The following MTR variants were observed in gnomAD, a reference collection of about 807,000 sequenced individuals.
MTR encodes the protein 5-methyltetrahydrofolate-homocysteine methyltransferase.
In MTR, 84 loss-of-function variants were observed where a neutral mutation model predicts 154.8. The observed-to-expected ratio is 0.54, with a 90% CI of 0.45 to 0.65. The LOEUF is 0.65. Ranked by LOEUF, MTR falls within the 30% of genes least tolerant of loss-of-function variation. The probability of loss-of-function intolerance (pLI) is 0.00; values close to 1 mark genes in which losing one functional copy is unlikely to be tolerated. For synonymous variants in MTR, 554 were observed against 553.9 expected (o/e 1.00, Z 0.00); for missense variants, 1,275 against 1,570.2 (o/e 0.81, Z 3.18).
intron 25 of MTR, among the ~76,000 whole-genome samples, chr1:236,884,414 T>C (rs556494267): frequency 5.9e-5 from 9 of 152,234 alleles, no homozygotes; most frequent in African/African-American, 1.9e-4. Flanking sequence ...CACCTTCAGG[T>C]TCAAAGTTTC....
chr1:236,808,578 A>C, intron 3 of MTR, 126 bp from the exon 4 acceptor site: 1 of 936,132 alleles, frequency 1.1e-6, no homozygotes, highest in Non-Finnish European at 1.7e-6. Context: ...GATTTCACTC[A>C]GACCTCAGAT....
chr1:236,803,163 C>G lies in MTR; in HGVS notation c.35-265C>G, dbSNP rs528331028. Among the ~76,000 whole-genome samples the G allele has an allele frequency of 2.0e-5, 3 of 152,318 alleles. No individual in the cohort carries two copies. In the South Asian group the frequency reaches 6.2e-4, roughly 32 times the overall value. On this transcript the variant is annotated intron_variant, in intron 1 of 32. Transcript: ENST00000366577. The stretch of plus-strand genomic sequence containing the variant: ...GCCCATTATTGCCTGTTTTCCTCAT[C>G]TGTAAAACAGGAGTAGTGTAGCCTA...
chr1:236,869,940 C>G (rs16834490), intron 22 of MTR, among the ~76,000 whole-genome samples: 2,226 of 152,258 alleles, frequency 0.015, 55 homozygotes, highest in African/African-American at 0.051. Context: ...TGGTTGTCAC[C>G]CATTTTGGGC....
chr1:236,796,520 C>T (rs929812690), intron 1 of MTR, among the ~76,000 whole-genome samples: 1 of 152,116 alleles, frequency 6.6e-6, no homozygotes, highest in South Asian at 2.1e-4. Flanking sequence ...TATCCTATCA[C>T]ATAGTGGGGA....
At chr1:236,873,865 ATTTCTCTAAATGT>A (rs756165214) in intron 23 of MTR, 25 bp downstream of exon 23, 1 of 1,603,306 alleles carries the variant, frequency 6.2e-7, no homozygotes, top group South Asian at 1.1e-5. Flanking sequence ...TACTTTGGGC[ATTTCTCTAAATGT>A]CATATCCCCA....
intron 25 of MTR, among the ~76,000 whole-genome samples, chr1:236,883,505 G>T (rs914086471): frequency 6.6e-6 from 1 of 152,202 alleles, no homozygotes; most frequent in Non-Finnish European, 1.5e-5. Flanking sequence ...CTTTCTCAGA[G>T]TGTATAATCT....
rs931152176 is a variant in MTR at position 236,810,564 on chromosome 1, A to G, written c.471A>G (p.Pro157=). The G allele has an allele frequency of 9.9e-6, 16 of 1,613,864 alleles. No homozygotes were observed. Among genetic ancestry groups the G allele is most frequent in the Non-Finnish European group, 1.3e-5 (15 of 1,179,826 alleles). Residue 157 remains proline, a synonymous_variant, in exon 5 of 33, where the codon CCA becomes CCG. Transcript: ENST00000366577. ...CTAATAAGACACTCTCTGTGTCCCC[A>G]TCTGTGGAAAGGCCGGATTATAGGA... The part of the protein sequence containing the change: ...GPTNKTLSVS[P]SVERPDYRNI...
At chr1:236,820,086 A>G (rs772377170) in intron 8 of MTR, 144 of 772,710 alleles carry the variant, frequency 1.9e-4, no homozygotes, top group Non-Finnish European at 2.9e-4. Flanking sequence ...TGTGTAACAC[A>G]GATTCCCCTC....
At chr1:236,825,685 C>T (rs1572218972) in intron 10 of MTR, among the ~76,000 whole-genome samples, 1 of 152,126 alleles carries the variant, frequency 6.6e-6, no homozygotes, top group East Asian at 1.9e-4. Context: ...CTGCAGCCTT[C>T]CCAAATTGTA....
chr1:236,802,704 G>C (rs879831028), intron 1 of MTR, among the ~76,000 whole-genome samples: 1 of 152,170 alleles, frequency 6.6e-6, no homozygotes, highest in Admixed American at 6.5e-5. Flanking sequence ...AATTGGGACA[G>C]TAGATGTTGG....
intron 25 of MTR, among the ~76,000 whole-genome samples, chr1:236,884,553 T>G (rs545770398): frequency 1.2e-4 from 19 of 152,300 alleles, no homozygotes; most frequent in African/African-American, 4.3e-4. Flanking sequence ...AGGTACAGGC[T>G]TTCAGGAGTC....
At chr1:236,859,183 C>T (rs1664380783) in intron 18 of MTR, among the ~76,000 whole-genome samples, 2 of 152,224 alleles carry the variant, frequency 1.3e-5, no homozygotes, top group Admixed American at 6.5e-5. Context: ...TGAGGGCCTT[C>T]TTGCTGTGTC....
chr1:236,890,150 G>T (rs554826425), intron 28 of MTR, among the ~76,000 whole-genome samples: 18 of 144,878 alleles, frequency 1.2e-4, no homozygotes, highest in African/African-American at 2.4e-4. Context: ...TTTCCCACGG[G>T]GGGGCGTGCC....
In MTR at chr1:236,900,266, A is replaced by G. The variant is rs1459801784; in HGVS notation, c.*2622A>G. 3 of 242,496 alleles carry G rather than the reference A, an allele frequency of 1.2e-5. No homozygotes were observed. Among genetic ancestry groups the G allele is most frequent in the Non-Finnish European group, 2.6e-5 (3 of 116,554 alleles). The allele number at this position is 242,496 out of a possible 1,614,324, so 15.0% of individuals were successfully genotyped here. On this transcript the variant is annotated 3_prime_UTR_variant, in exon 33 of 33. Transcript: ENST00000366577. ...GAGTGAACTACAGCTATACCTCACA[A>G]TAAGAATGAATCTCAGAAAATATTA... is the stretch of plus-strand genomic sequence containing the variant.
intron 15 of MTR, among the ~76,000 whole-genome samples, chr1:236,847,156 G>A (rs553642497): frequency 8.5e-5 from 13 of 152,206 alleles, no homozygotes; most frequent in African/African-American, 2.9e-4. Context: ...CAAAGTGCTG[G>A]GATTACAGAT....
Position 236,812,793 on chromosome 1 carries a change from C to G in MTR, c.558C>G (p.Gly186=). Residue 186 remains glycine (G), a synonymous_variant, in exon 6 of 33, where the codon GGC becomes GGG. Coordinates refer to ENST00000366577, the MANE Select transcript of MTR (RefSeq NM_000254.3). The part of the protein sequence containing the change: ...YQEQAKGLLD[G]GVDILLIETI... ...AGCAGGCCAAAGGACTTCTGGATGG[C>G]GGGGTTGATATCTTACTCATTGAAA... is the stretch of plus-strand genomic sequence containing the variant. The G allele has an allele frequency of 6.2e-7, 1 of 1,613,990 alleles. No homozygotes were observed. The highest frequency in any genetic ancestry group is 2.2e-5 in the East Asian group (1 of 44,868).
intron 1 of MTR, among the ~76,000 whole-genome samples, chr1:236,802,874 A>G (rs1374460240): frequency 6.6e-6 from 1 of 152,042 alleles, no homozygotes; most frequent in Non-Finnish European, 1.5e-5. Context: ...CTGGACTGGG[A>G]ATTAGAAGTC....
At chr1:236,811,692 G>C (rs1366229935) in intron 5 of MTR, 4 of 456,168 alleles carry the variant, frequency 8.8e-6, no homozygotes, top group Non-Finnish European at 1.8e-5. Context: ...GCTGTACAAG[G>C]TGAAGTACGG....
chr1:236,860,202 C>G (rs1437907032), intron 19 of MTR, among the ~76,000 whole-genome samples: 1 of 151,824 alleles, frequency 6.6e-6, no homozygotes, highest in Non-Finnish European at 1.5e-5. Flanking sequence ...CTGCAGTGCC[C>G]AGGACAGCCC....
Sources: gnomAD v4.1 joint callset for allele counts (sites outside exome capture counted in the v4.1 genomes callset) on GRCh38, gnomAD v4.1.1 for gene constraint, MANE v1.5 for transcripts, NCBI Gene and HGNC (gene_info 2026-07-23, HGNC 2026-07-21) for gene names.